Variants in OSBP2 observed in about 807,000 individuals in gnomAD.
The protein encoded by OSBP2 is oxysterol-binding protein 2.
Under a neutral mutation model 96.0 loss-of-function variants are expected in OSBP2, and 66 were observed. The ratio of observed to expected loss-of-function variants is 0.69; its 90% CI spans 0.56 to 0.84. The LOEUF (loss-of-function observed/expected upper bound fraction) is 0.84. Among genes scored for constraint, OSBP2 ranks in the 40% least tolerant of loss-of-function variants. OSBP2 has a pLI of 0.00. For synonymous variants in OSBP2, 525 were observed against 520.9 expected (o/e 1.01, Z -0.11); for missense variants, 1,038 against 1,222.7 (o/e 0.85, Z 2.25).
chr22:30,727,830 G>A (rs566901767), intron 1 of OSBP2, among the ~76,000 whole-genome samples: 61 of 152,260 alleles, frequency 4.0e-4, no homozygotes, highest in African/African-American at 1.4e-3. Context: ...CCCTGGGCCG[G>A]GCGCAGTGTC....
At chr22:30,764,300 G>C (rs1042193489) in intron 2 of OSBP2, 2 of 984,970 alleles carry the variant, frequency 2.0e-6, no homozygotes, top group Non-Finnish European at 2.4e-6. Flanking sequence ...GGATGAGGAG[G>C]GGGTTGGGTG....
intron 2 of OSBP2, among the ~76,000 whole-genome samples, chr22:30,763,859 G>A (rs1274339233): frequency 1.3e-5 from 2 of 152,134 alleles, no homozygotes; most frequent in Admixed American, 1.3e-4. Context: ...CCCACTTGGG[G>A]TCTCTGCTCC....
intron 2 of OSBP2, chr22:30,822,492 TGGTAA>T: frequency 8.8e-7 from 1 of 1,139,224 alleles, no homozygotes; most frequent in Non-Finnish European, 1.1e-6. Flanking sequence ...TGGTGCATTG[TGGTAA>T]CGCGGCGCCG....
chr22:30,827,237 C>G (rs570377459), intron 2 of OSBP2, among the ~76,000 whole-genome samples: 59 of 152,220 alleles, frequency 3.9e-4, no homozygotes, highest in Admixed American at 7.8e-4. Context: ...GTTGTGAGGG[C>G]ACAGCTCTGC....
chr22:30,874,580 G>A (rs1012073806), intron 3 of OSBP2, among the ~76,000 whole-genome samples: 1 of 152,170 alleles, frequency 6.6e-6, no homozygotes, highest in Non-Finnish European at 1.5e-5. Flanking sequence ...ACAGCTAGTG[G>A]TGCAGGCCCA....
At chr22:30,822,535 CG>C in intron 2 of OSBP2, 1 of 1,381,090 alleles carries the variant, frequency 7.2e-7, no homozygotes, top group Non-Finnish European at 9.3e-7. Flanking sequence ...CCGCCTCCGC[CG>C]GGCGGCCCAC....
At chr22:30,708,998 G>T (rs1026075866) in intron 1 of OSBP2, among the ~76,000 whole-genome samples, 1 of 151,882 alleles carries the variant, frequency 6.6e-6, no homozygotes, top group Non-Finnish European at 1.5e-5. Flanking sequence ...TATTTGGGAG[G>T]CTGAGGCAGG....
In OSBP2 at chr22:30,755,070, G is replaced by T. The variant is rs117098661; in HGVS notation, c.853+13701G>T. Among the ~76,000 whole-genome samples the T allele has an allele frequency of 8.4e-4, 128 of 152,142 alleles. No homozygotes were observed. The Middle Eastern group carries it at 0.014, about 16-fold the overall frequency. On this transcript the variant is annotated intron_variant, in intron 2 of 13. Transcript: ENST00000332585. ...CCTGACCTCTTAGCTTTCAGCACAC[G>T]CATCTCCAACGCCCTAGCCAGGATC...
chr22:30,727,229 G>A (rs936321437), intron 1 of OSBP2, among the ~76,000 whole-genome samples: 2 of 152,140 alleles, frequency 1.3e-5, no homozygotes, highest in Admixed American at 6.5e-5. Flanking sequence ...CTTCCGCCTA[G>A]GAGGCTCCTA....
intron 1 of OSBP2, among the ~76,000 whole-genome samples, chr22:30,725,863 A>G (rs2089641563): frequency 6.7e-6 from 1 of 149,288 alleles, no homozygotes; most frequent in Admixed American, 6.8e-5. Context: ...ATTTTAGCTC[A>G]CTGCCTCCCA....
chr22:30,877,263 A>C (rs918186220), intron 3 of OSBP2, among the ~76,000 whole-genome samples: 2 of 152,180 alleles, frequency 1.3e-5, no homozygotes, highest in African/African-American at 4.8e-5. Flanking sequence ...TGACTCTGAT[A>C]AAAGCTAGCC....
chr22:30,725,204 A>C (rs1435033292), intron 1 of OSBP2, among the ~76,000 whole-genome samples: 1 of 145,054 alleles, frequency 6.9e-6, no homozygotes, highest in Non-Finnish European at 1.5e-5. Context: ...AAACAAAAAA[A>C]AAACAAAAAC....
chr22:30,837,261 C>CAAA (rs34674333), intron 2 of OSBP2, among the ~76,000 whole-genome samples: 7 of 110,812 alleles, frequency 6.3e-5, no homozygotes, highest in African/African-American at 1.6e-4. Flanking sequence ...GACTCTGTCT[C>CAAA]AAAAAAAAAA....
chr22:30,788,853 C>T (rs904429490), intron 2 of OSBP2, among the ~76,000 whole-genome samples: 2 of 152,130 alleles, frequency 1.3e-5, no homozygotes, highest in African/African-American at 4.8e-5. Context: ...GCTGGGATTA[C>T]AGGCGCCTGC....
rs1427392579 is a variant in OSBP2, at chr22:30,777,028, C to G, written c.853+35659C>G. On this transcript the variant is annotated intron_variant, in intron 2 of 13. Transcript: ENST00000332585. Reference sequence around the variant, plus strand: ...TGGCTGTATTTACCCAATGCCTGCACCCCCATTGTATCTAGGAAGTAACTA... The same window carrying G: ...TGGCTGTATTTACCCAATGCCTGCAGCCCCATTGTATCTAGGAAGTAACTA... Among the ~76,000 whole-genome samples the G allele has an allele frequency of 2.0e-5, 3 of 152,312 alleles. No individual in the cohort carries two copies. In the East Asian group the frequency reaches 5.8e-4, roughly 29 times the overall value.
chr22:30,898,792 G>A (rs939262752), intron 12 of OSBP2, among the ~76,000 whole-genome samples: 12 of 151,930 alleles, frequency 7.9e-5, no homozygotes, highest in African/African-American at 2.7e-4. Flanking sequence ...GGAAGGCTGA[G>A]GCGGGAGGAT....
At chr22:30,696,275 T>G (rs1410162494) in intron 1 of OSBP2, among the ~76,000 whole-genome samples, 1 of 152,198 alleles carries the variant, frequency 6.6e-6, no homozygotes, top group Non-Finnish European at 1.5e-5. Context: ...TCCCTTTGCT[T>G]TCTTACTGGC....
chr22:30,906,421 T>G lies in OSBP2; in HGVS notation c.*82T>G. ...ATGCACTCAATTTAGTACTGAATGG[T>G]CTTTCTCCCAGCCCATTCCCAGCCC... is the stretch of plus-strand genomic sequence containing the variant. On this transcript the variant is annotated 3_prime_UTR_variant, in exon 14 of 14. Transcript: ENST00000332585. 2 of 1,425,296 alleles carry G rather than the reference T, an allele frequency of 1.4e-6. No homozygotes were observed. Among genetic ancestry groups the G allele is most frequent in the Non-Finnish European group, 1.9e-6 (2 of 1,069,462 alleles). 88.3% of individuals were successfully genotyped at this position (1,425,296 alleles called of 1,614,324 possible).
intron 2 of OSBP2, among the ~76,000 whole-genome samples, chr22:30,837,817 C>G (rs2038668023): frequency 1.3e-5 from 2 of 152,134 alleles, no homozygotes; most frequent in African/African-American, 4.8e-5. Flanking sequence ...TTGGTTGCTT[C>G]CTTTGCAGCC....
Sources: allele counts gnomAD v4.1 joint callset (sites outside exome capture counted in the v4.1 genomes callset), GRCh38; gene constraint gnomAD v4.1.1; transcripts MANE v1.5; gene names NCBI Gene and HGNC (gene_info 2026-07-23, HGNC 2026-07-21).